IRAG1: variants seen among roughly 807,000 people sequenced by gnomAD.
IRAG1 encodes the protein IP3R-associated cGMP kinase substrate.
Under a neutral mutation model 106.2 loss-of-function variants are expected in IRAG1, and 62 were observed. The observed-to-expected ratio is 0.58, with a 90% CI of 0.48 to 0.72. The LOEUF (loss-of-function observed/expected upper bound fraction) is 0.72, where lower values mean the gene tolerates loss of function less well. IRAG1 is among the 30% of genes least tolerant of loss of function. The probability of loss-of-function intolerance (pLI) is 0.00; values close to 1 mark genes in which losing one functional copy is unlikely to be tolerated. For synonymous variants in IRAG1, 462 were observed against 443.9 expected, an observed-to-expected ratio of 1.04 and a Z score of -0.51; for missense variants, 1,064 against 1,140.7, an observed-to-expected ratio of 0.93 and a Z score of 0.97.
At chr11:10,578,387 A>T (rs1851046498) in intron 20 of IRAG1, among the ~76,000 whole-genome samples, 2 of 152,360 alleles carry the variant, frequency 1.3e-5, no homozygotes, top group Admixed American at 1.3e-4. Context: ...TAATATGGTT[A>T]AAATATTGGG....
At chr11:10,609,382 A>G (rs1854751178) in intron 11 of IRAG1, among the ~76,000 whole-genome samples, 1 of 152,192 alleles carries the variant, frequency 6.6e-6, no homozygotes, top group Non-Finnish European at 1.5e-5. Flanking sequence ...ATCTCTACAA[A>G]AAAATATTTG....
intron 2 of IRAG1, among the ~76,000 whole-genome samples, chr11:10,635,692 C>T (rs1405908896): frequency 1.3e-5 from 2 of 152,222 alleles, no homozygotes; most frequent in African/African-American, 2.4e-5. Context: ...TTACGTCCCA[C>T]AATTTTTAGT....
chr11:10,645,790 C>A (rs1471784941), intron 2 of IRAG1, among the ~76,000 whole-genome samples: 1 of 152,168 alleles, frequency 6.6e-6, no homozygotes, highest in African/African-American at 2.4e-5. Context: ...AGCTATGTCA[C>A]CCACTGCACA....
At chr11:10,613,688 G>A (rs1033558994) in intron 10 of IRAG1, among the ~76,000 whole-genome samples, 1 of 152,228 alleles carries the variant, frequency 6.6e-6, no homozygotes, top group Non-Finnish European at 1.5e-5. Context: ...TTCAAGATGT[G>A]TAGAGGTAGA....
intron 1 of IRAG1, among the ~76,000 whole-genome samples, chr11:10,674,621 C>T (rs1266916256): frequency 6.6e-6 from 1 of 152,248 alleles, no homozygotes; most frequent in Non-Finnish European, 1.5e-5. Context: ...CACCCTCCTT[C>T]CATCCCATCC....
chr11:10,626,351 C>A lies in IRAG1; in HGVS notation c.983G>T (p.Ser328Ile). The part of the protein sequence containing the change: ...LNSPQPGPVE[S>I]ELGKQLLKTG... ...TTTCAAGAGCTGCTTCCCCAGCTCG[C>A]TCTCCACGGGGCCAGGCTGAGGGCT... The change falls in exon 9 of 21, where the codon AGC becomes ATC. Residue 328 changes from serine (S) to isoleucine (I), a missense_variant. Ser to Ile is a moderately radical substitution (Grantham distance 142, BLOSUM62 -2). Transcript: ENST00000423302. 6.2e-7 allele frequency: 1 copy of A among 1,613,754 alleles called. No individual in the cohort carries two copies. Among genetic ancestry groups the A allele is most frequent in the African/African-American group, 1.3e-5 (1 of 75,046 alleles).
At chr11:10,624,144 G>T (rs1856049236) in intron 9 of IRAG1, among the ~76,000 whole-genome samples, 1 of 152,200 alleles carries the variant, frequency 6.6e-6, no homozygotes, top group African/African-American at 2.4e-5. Context: ...CAGGGTAAAT[G>T]AACTGCTTGG....
chr11:10,621,255 A>T (rs1354103850), intron 10 of IRAG1, among the ~76,000 whole-genome samples: 1 of 152,184 alleles, frequency 6.6e-6, no homozygotes, highest in Non-Finnish European at 1.5e-5. Flanking sequence ...ACTTCTGGGA[A>T]CCTTCTTATT....
At chr11:10,633,108 AC>A (rs1856835660) in intron 3 of IRAG1, among the ~76,000 whole-genome samples, 1 of 130,122 alleles carries the variant, frequency 7.7e-6, no homozygotes, top group Non-Finnish European at 1.6e-5. Flanking sequence ...GGAGTCTCGC[AC>A]TGTCGCCCAG....
intron 2 of IRAG1, among the ~76,000 whole-genome samples, chr11:10,639,627 C>G (rs890410448): frequency 4.6e-5 from 7 of 152,268 alleles, no homozygotes; most frequent in Admixed American, 4.6e-4. Flanking sequence ...GATTCTCACG[C>G]CCCCTCTCTG....
At chr11:10,617,187 C>T (rs1359159198) in intron 10 of IRAG1, 5 of 985,270 alleles carry the variant, frequency 5.1e-6, no homozygotes, top group Non-Finnish European at 6.0e-6. Flanking sequence ...AGCCAACTAC[C>T]TTCTAGACGT....
chr11:10,630,430 G>A (rs984265623), intron 4 of IRAG1, among the ~76,000 whole-genome samples: 3 of 151,276 alleles, frequency 2.0e-5, no homozygotes, highest in Non-Finnish European at 4.4e-5. Context: ...GGAGTGCAGT[G>A]GCACAATCTC....
intron 10 of IRAG1, among the ~76,000 whole-genome samples, chr11:10,613,583 T>A (rs1591609462): frequency 6.6e-6 from 1 of 152,232 alleles, no homozygotes; most frequent in Admixed American, 6.5e-5. Flanking sequence ...CATGAAATCT[T>A]TTTACATTTA....
Position 10,605,753 on chromosome 11 carries a change from G to C in IRAG1, c.1602+989C>G, listed in dbSNP as rs903798666. Among the ~76,000 whole-genome samples, 9 of 152,332 alleles carry C rather than the reference G, an allele frequency of 5.9e-5. No homozygotes were observed. The East Asian group carries it at 1.7e-3, about 29-fold the overall frequency. ...CATCTTCACAAATGTCAGTGGGTAGGCTTAGAGCTCATAGCCCAGTGATAG... is the reference window on the plus strand; with the variant it reads ...CATCTTCACAAATGTCAGTGGGTAGCCTTAGAGCTCATAGCCCAGTGATAG... On this transcript the variant is annotated intron_variant, in intron 12 of 20. Coordinates refer to ENST00000423302, the MANE Select transcript of IRAG1 (RefSeq NM_130385.4).
At chr11:10,652,264 A>G (rs1202267565) in intron 1 of IRAG1, 82 bp from the exon 2 acceptor site, 3 of 1,579,078 alleles carry the variant, frequency 1.9e-6, no homozygotes, top group Non-Finnish European at 2.6e-6. Flanking sequence ...GCCACAAGCC[A>G]CAGTGAGAGC....
At chr11:10,689,037 C>T (rs1208122176) in intron 1 of IRAG1, among the ~76,000 whole-genome samples, 2 of 152,180 alleles carry the variant, frequency 1.3e-5, no homozygotes, top group East Asian at 1.9e-4. Context: ...ACGGTACACA[C>T]TCACCAAGTG....
intron 17 of IRAG1, among the ~76,000 whole-genome samples, chr11:10,592,832 C>T (rs1221637418): frequency 2.0e-5 from 3 of 152,168 alleles, no homozygotes; most frequent in Non-Finnish European, 4.4e-5. Flanking sequence ...CACATATCTT[C>T]TACCAGAAAT....
intron 20 of IRAG1, among the ~76,000 whole-genome samples, chr11:10,578,149 TAA>T (rs923442075): frequency 1.3e-4 from 20 of 152,330 alleles, no homozygotes; most frequent in African/African-American, 4.8e-4. Flanking sequence ...GCCTGGCCTA[TAA>T]AAGAGTTTAG....
intron 1 of IRAG1, among the ~76,000 whole-genome samples, chr11:10,684,251 T>C (rs1255084978): frequency 6.6e-6 from 1 of 152,160 alleles, no homozygotes; most frequent in African/African-American, 2.4e-5. Context: ...ATGTGGCACA[T>C]ATACACCATG....
Sources: gnomAD v4.1 joint callset for allele counts (sites outside exome capture counted in the v4.1 genomes callset) on GRCh38, gnomAD v4.1.1 for gene constraint, MANE v1.5 for transcripts, NCBI Gene and HGNC (gene_info 2026-07-23, HGNC 2026-07-21) for gene names.